GPHN: variants seen among roughly 807,000 people sequenced by gnomAD.
GPHN encodes the protein gephyrin.
In GPHN, 17 loss-of-function variants were observed where a neutral mutation model predicts 95.5. The observed-to-expected ratio is 0.18, with a 90% CI of 0.12 to 0.27. GPHN has a LOEUF of 0.27. GPHN is among the 10% of genes least tolerant of loss of function. GPHN has a pLI of 1.00. For synonymous variants in GPHN, 320 were observed against 322.5 expected, an observed-to-expected ratio of 0.99 and a Z score of 0.08; for missense variants, 660 against 978.1, an observed-to-expected ratio of 0.67 and a Z score of 4.34.
the GPHN span, among the ~76,000 whole-genome samples, chr14:67,265,980 T>C: frequency 1.3e-5 from 2 of 152,154 alleles, no homozygotes; most frequent in Admixed American, 6.5e-5. Context: ...AAAAGTATTA[T>C]TTATTTTTTG....
At chr14:67,221,404 T>G in the GPHN span, among the ~76,000 whole-genome samples, 1 of 152,212 alleles carries the variant, frequency 6.6e-6, no homozygotes, top group East Asian at 1.9e-4. Context: ...TTGACCTTAT[T>G]TATTTACACG....
the GPHN span, among the ~76,000 whole-genome samples, chr14:67,500,754 C>G: frequency 1.5e-4 from 23 of 151,586 alleles, no homozygotes; most frequent in South Asian, 4.8e-3. Flanking sequence ...TGTATTTTTA[C>G]TAGAGACGGG....
chr14:67,482,648 G>A, the GPHN span, among the ~76,000 whole-genome samples: 1 of 152,220 alleles, frequency 6.6e-6, no homozygotes, highest in Non-Finnish European at 1.5e-5. Context: ...CTGAAGATAA[G>A]TGGCTTCAAT....
At chr14:67,611,320 G>A in the GPHN span, 1 of 151,452 alleles carries the variant, frequency 6.6e-6, no homozygotes, top group Non-Finnish European at 1.5e-5. Flanking sequence ...GAGTGCAGTG[G>A]TGCCATCTCG....
At chr14:67,275,665 T>A in the GPHN span, among the ~76,000 whole-genome samples, 310 of 152,354 alleles carry the variant, frequency 2.0e-3, no homozygotes, top group African/African-American at 7.0e-3. Flanking sequence ...TGCCTCTTTT[T>A]CTATTGATTG....
intron 12 of GPHN, among the ~76,000 whole-genome samples, chr14:67,100,207 G>T (rs559223880): frequency 6.6e-6 from 1 of 152,080 alleles, no homozygotes; most frequent in African/African-American, 2.4e-5. Flanking sequence ...TACAAGACTG[G>T]ATTTTAGTCC....
chr14:67,574,445 C>A, the GPHN span: 2 of 1,423,306 alleles, frequency 1.4e-6, no homozygotes, highest in Non-Finnish European at 1.9e-6. This position sits in a 1 kb window ranked among gnomAD's most constrained non-coding sequence, Gnocchi z 4.2. Flanking sequence ...GTGCCTCCTG[C>A]GAATCAGGGG....
the GPHN span, among the ~76,000 whole-genome samples, chr14:67,534,520 T>C: frequency 6.6e-6 from 1 of 152,124 alleles, no homozygotes; most frequent in Non-Finnish European, 1.5e-5. Context: ...AAAATTGTTG[T>C]GATATGCCCA....
intron 1 of GPHN, among the ~76,000 whole-genome samples, chr14:66,680,246 C>G (rs1443679091): frequency 6.6e-6 from 1 of 152,152 alleles, no homozygotes; most frequent in Non-Finnish European, 1.5e-5. Flanking sequence ...TGGTCCTGCT[C>G]CTTTTACTCA....
the GPHN span, chr14:67,301,882 T>G: frequency 7.5e-7 from 1 of 1,328,004 alleles, no homozygotes; most frequent in Admixed American, 2.6e-5. Flanking sequence ...AAAGATTTAA[T>G]GGTCAGAATA....
chr14:67,633,142 T>C, the GPHN span, among the ~76,000 whole-genome samples: 1 of 152,172 alleles, frequency 6.6e-6, no homozygotes, highest in African/African-American at 2.4e-5. Flanking sequence ...TTTTAATTAG[T>C]ATTGTTCACA....
At chr14:67,348,852 C>T in the GPHN span, 174 of 616,500 alleles carry the variant, frequency 2.8e-4, no homozygotes, top group Admixed American at 8.5e-4. Context: ...CACTTCTATA[C>T]AAAAGTCAAG....
chr14:67,273,897 T>C, the GPHN span, among the ~76,000 whole-genome samples: 1 of 152,268 alleles, frequency 6.6e-6, no homozygotes, highest in Non-Finnish European at 1.5e-5. Flanking sequence ...TTTTCATGTG[T>C]CTGTTGGCTG....
At chr14:67,681,546 G>T in the GPHN span, among the ~76,000 whole-genome samples, 4 of 152,204 alleles carry the variant, frequency 2.6e-5, no homozygotes, top group Non-Finnish European at 5.9e-5. Context: ...ACTTTGGGAG[G>T]CCGAGGAGGG....
the GPHN span, chr14:67,575,620 T>G: frequency 4.2e-6 from 3 of 721,444 alleles, no homozygotes; most frequent in African/African-American, 5.2e-5. Flanking sequence ...AGTGTGAGAT[T>G]CTGCCTGTCT....
the GPHN span, among the ~76,000 whole-genome samples, chr14:67,340,918 C>CG: frequency 1.3e-5 from 2 of 152,240 alleles, no homozygotes; most frequent in Admixed American, 1.3e-4. Flanking sequence ...GCGAGTGATC[C>CG]GCCAGCCTCG....
chr14:66,547,601 T>C (rs1027451407), intron 1 of GPHN, among the ~76,000 whole-genome samples: 1 of 152,222 alleles, frequency 6.6e-6, no homozygotes, highest in Non-Finnish European at 1.5e-5. Flanking sequence ...TAAAACTCTT[T>C]TGTTATGCCA....
At chr14:66,821,286 T>C (rs1011695388) in intron 3 of GPHN, among the ~76,000 whole-genome samples, 4 of 152,256 alleles carry the variant, frequency 2.6e-5, no homozygotes, top group Non-Finnish European at 4.4e-5. Context: ...AGACTCAGTA[T>C]CTAATGTGGC....
intron 10 of GPHN, among the ~76,000 whole-genome samples, chr14:67,024,974 G>T (rs187978363): frequency 4.3e-4 from 66 of 152,062 alleles, no homozygotes; most frequent in African/African-American, 1.5e-3. Flanking sequence ...CATTATATTG[G>T]CAAGGCGCAG....
Sources: allele counts gnomAD v4.1 joint callset (sites outside exome capture counted in the v4.1 genomes callset), GRCh38; gene constraint gnomAD v4.1.1; non-coding constraint Gnocchi (gnomAD v3.1); transcripts MANE v1.5; gene names NCBI Gene and HGNC (gene_info 2026-07-23, HGNC 2026-07-21).